ROBO2: variants seen among roughly 807,000 people sequenced by gnomAD.
ROBO2 encodes roundabout guidance receptor 2, also known as roundabout homolog 2.
ROBO2 carries 53 observed loss-of-function variants against 160.8 expected under a neutral mutation model. The ratio of observed to expected loss-of-function variants is 0.33; its 90% CI spans 0.26 to 0.41. The LOEUF (loss-of-function observed/expected upper bound fraction) is 0.41, where lower values mean the gene tolerates loss of function less well. ROBO2 is among the 10% of genes least tolerant of loss of function. The probability of loss-of-function intolerance (pLI) is 1.00; values close to 1 mark genes in which losing one functional copy is unlikely to be tolerated. For missense variants in ROBO2, 1,577 were observed against 1,722.4 expected (o/e 0.92, Z 1.49); for synonymous variants, 664 against 611.7 (o/e 1.09, Z -1.26).
intron 2 of ROBO2, among the ~76,000 whole-genome samples, chr3:76,841,333 T>G (rs1472209240): frequency 1.3e-5 from 2 of 152,142 alleles, no homozygotes; most frequent in Non-Finnish European, 2.9e-5. Flanking sequence ...TTCCTCTGTA[T>G]TTGTCAGTGT....
chr3:77,036,212 C>T, upstream of ROBO2, among the ~76,000 whole-genome samples: 2 of 151,810 alleles, frequency 1.3e-5, 1 homozygote, highest in East Asian at 3.9e-4. Flanking sequence ...ATAGTATCAA[C>T]CACATAAGCC....
At position 77,459,170 on chromosome 3, in the gene ROBO2, A is replaced by C. The variant is rs115583070; in HGVS notation, c.389-18244A>C. Among the ~76,000 whole-genome samples, 1,045 of 152,294 alleles carry C rather than the reference A, an allele frequency of 6.9e-3. 13 individuals are homozygous for C. Among genetic ancestry groups the C allele is most frequent in the African/African-American group, 0.024 (980 of 41,572 alleles). ...TTTTTCTGATCATTTGAATACATGA[A>C]ATTTAGAAGTTAGTTTTTACCTTTG... On this transcript the variant is annotated intron_variant, in intron 2 of 25. Coordinates refer to ENST00000461745, the Ensembl canonical transcript of ROBO2.
At chr3:77,559,548 C>A (rs535850345) in intron 9 of ROBO2, among the ~76,000 whole-genome samples, 80 of 152,114 alleles carry the variant, frequency 5.3e-4, no homozygotes, top group Non-Finnish European at 1.0e-3. Flanking sequence ...AATTCAGAGC[C>A]AAGATGAAGA....
chr3:76,369,116 A>G (rs953759801), intron 2 of ROBO2, among the ~76,000 whole-genome samples: 1 of 151,912 alleles, frequency 6.6e-6, no homozygotes, highest in African/African-American at 2.4e-5. Context: ...TACTCTATCC[A>G]TGGCAATGTG....
At chr3:76,977,536 A>G (rs2059873462) in intron 2 of ROBO2, among the ~76,000 whole-genome samples, 1 of 152,170 alleles carries the variant, frequency 6.6e-6, no homozygotes, top group African/African-American at 2.4e-5. Flanking sequence ...AAGGTACAGG[A>G]ATAACTTGGT....
chr3:77,208,061 G>T (rs184713901), intron 2 of ROBO2, among the ~76,000 whole-genome samples: 1 of 152,230 alleles, frequency 6.6e-6, no homozygotes, highest in Admixed American at 6.5e-5. Flanking sequence ...TAAGATGTGC[G>T]CATTAGAACT....
At chr3:77,615,978 A>C (rs1483977060) in intron 21 of ROBO2, among the ~76,000 whole-genome samples, 1 of 152,218 alleles carries the variant, frequency 6.6e-6, no homozygotes, top group Non-Finnish European at 1.5e-5. Flanking sequence ...AATATCTCCC[A>C]TGTACCAGAA....
At chr3:76,975,973 C>T (rs2059797392) in intron 2 of ROBO2, among the ~76,000 whole-genome samples, 1 of 152,116 alleles carries the variant, frequency 6.6e-6, no homozygotes, top group African/African-American at 2.4e-5. Flanking sequence ...ATAGACATTC[C>T]TAAAATGGGC....
intron 2 of ROBO2, among the ~76,000 whole-genome samples, chr3:75,999,369 T>C (rs1162695638): frequency 6.6e-6 from 1 of 152,170 alleles, no homozygotes; most frequent in East Asian, 1.9e-4. Context: ...CAAATAATTA[T>C]TTCTATTTAA....
In ROBO2 at chr3:77,060,291, A is replaced by G. The variant is rs371065974; in HGVS notation, c.61+19445A>G. Reference sequence around the variant, plus strand: ...CCAGCTCATGGCATTTCAGGAACAGAGGAGTTCTTGTTCTTAGTAATCCCA... The same window carrying G: ...CCAGCTCATGGCATTTCAGGAACAGGGGAGTTCTTGTTCTTAGTAATCCCA... On this transcript the variant is annotated intron_variant, in intron 1 of 25. Coordinates refer to ENST00000461745, the Ensembl canonical transcript of ROBO2. Among the ~76,000 whole-genome samples the G allele has an allele frequency of 5.4e-4, 82 of 152,280 alleles. 1 individual carries two copies. Among genetic ancestry groups the G allele is most frequent in the African/African-American group, 2.0e-3 (82 of 41,572 alleles).
At chr3:77,602,482 G>A (rs2094447804) in exon 20 of ROBO2, 2 of 1,613,920 alleles carry the variant, frequency 1.2e-6, no homozygotes, top group African/African-American at 2.7e-5. Context: ...TCAGAACAAA[G>A]GTAACAATGG....
intron 2 of ROBO2, among the ~76,000 whole-genome samples, chr3:75,949,042 T>G (rs1411291216): frequency 6.6e-6 from 1 of 152,122 alleles, no homozygotes; most frequent in Non-Finnish European, 1.5e-5. Flanking sequence ...AAGATCATAT[T>G]TTTAGATTTT....
intron 2 of ROBO2, among the ~76,000 whole-genome samples, chr3:77,239,352 G>A (rs971063553): frequency 2.0e-5 from 3 of 152,076 alleles, no homozygotes; most frequent in Admixed American, 6.6e-5. Flanking sequence ...CATTCCTCCC[G>A]GTGGGCTTGT....
In ROBO2 at chr3:77,634,974, A is replaced by G. The variant is rs1294167186; in HGVS notation, c.3865A>G (p.Lys1289Glu). ...TCAAAGTCAGAGGCCTCGGCCCACT[A>G]AAAAACACAAGGGAGGGCGGATGGA... The change falls in exon 24 of 26, where the codon AAA becomes GAA. Residue 1289 changes from lysine (K) to glutamate (E), a missense_variant. Physicochemically the swap from Lys to Glu is moderately conservative, Grantham distance 56. Around this residue, in one of 2 missense-constraint regions of ROBO2, gnomAD observed 637 missense variants for 586.9 expected, o/e 1.09. Coordinates refer to ENST00000461745, the Ensembl canonical transcript of ROBO2. 1 of 1,614,170 alleles carries G rather than the reference A, an allele frequency of 6.2e-7. No homozygotes were observed. The highest frequency in any genetic ancestry group is 1.7e-5 in the Admixed American group (1 of 60,022).
intron 2 of ROBO2, among the ~76,000 whole-genome samples, chr3:76,446,985 G>C (rs1294038242): frequency 6.6e-6 from 1 of 152,130 alleles, no homozygotes; most frequent in African/African-American, 2.4e-5. Flanking sequence ...GCATGGACAA[G>C]GACTTCATGT....
At chr3:76,683,352 T>G (rs2092610084) in intron 2 of ROBO2, among the ~76,000 whole-genome samples, 2 of 147,882 alleles carry the variant, frequency 1.4e-5, no homozygotes, top group South Asian at 4.3e-4. Flanking sequence ...TAGCTGCTGA[T>G]TTTTTTTTTA....
At chr3:77,293,717 G>A (rs1316499520) in intron 2 of ROBO2, among the ~76,000 whole-genome samples, 1 of 141,052 alleles carries the variant, frequency 7.1e-6, no homozygotes, top group African/African-American at 2.9e-5. Context: ...AAGACATAAA[G>A]TAAAATTGAT....
At chr3:76,610,586 A>G (rs1211289592) in intron 2 of ROBO2, among the ~76,000 whole-genome samples, 1 of 152,120 alleles carries the variant, frequency 6.6e-6, no homozygotes, top group African/African-American at 2.4e-5. Context: ...CTTCACTCCC[A>G]TAGCTTGGCG....
At chr3:76,182,805 T>G (rs1311753521) in intron 2 of ROBO2, among the ~76,000 whole-genome samples, 1 of 152,132 alleles carries the variant, frequency 6.6e-6, no homozygotes, top group African/African-American at 2.4e-5. Flanking sequence ...TGGTGTTAGT[T>G]TTTTCATGAT....
Sources: allele counts gnomAD v4.1 joint callset (sites outside exome capture counted in the v4.1 genomes callset), GRCh38; gene constraint gnomAD v4.1.1; regional missense constraint gnomAD v4.1.1; transcripts MANE v1.5; gene names NCBI Gene and HGNC (gene_info 2026-07-23, HGNC 2026-07-21).